Variants in PPP1R9A observed in about 807,000 individuals in gnomAD.
PPP1R9A encodes protein phosphatase 1 regulatory subunit 9A.
A neutral mutation model predicts 141.9 loss-of-function variants in PPP1R9A; 59 were observed. That is an observed-to-expected ratio of 0.42 (90% CI 0.34 to 0.52). The LOEUF (loss-of-function observed/expected upper bound fraction) is 0.52, where lower values mean the gene tolerates loss of function less well. Ranked by LOEUF, PPP1R9A falls within the 20% of genes least tolerant of loss-of-function variation. The pLI is 0.10. For missense variants in PPP1R9A, 1,444 were observed against 1,611.9 expected, an observed-to-expected ratio of 0.90 and a Z score of 1.78; for synonymous variants, 500 against 569.7, an observed-to-expected ratio of 0.88 and a Z score of 1.74.
intron 2 of PPP1R9A, among the ~76,000 whole-genome samples, chr7:95,005,366 T>TA (rs1201350987): frequency 4.6e-5 from 7 of 152,190 alleles, no homozygotes; most frequent in Admixed American, 2.6e-4. Flanking sequence ...AATAACAGTT[T>TA]AAAAAAACTA....
intron 8 of PPP1R9A, among the ~76,000 whole-genome samples, chr7:95,247,074 C>A (rs1232593256): frequency 6.6e-6 from 1 of 152,156 alleles, no homozygotes; most frequent in Non-Finnish European, 1.5e-5. Flanking sequence ...TGGAATAAAT[C>A]TTCACACGTC....
chr7:94,960,761 T>G (rs866733407), intron 2 of PPP1R9A, among the ~76,000 whole-genome samples: 1 of 151,640 alleles, frequency 6.6e-6, no homozygotes, highest in Admixed American at 6.6e-5. Flanking sequence ...ATGTGTTTAT[T>G]TTTTTTAAAT....
intron 2 of PPP1R9A, among the ~76,000 whole-genome samples, chr7:95,027,893 C>T (rs1807113051): frequency 6.6e-6 from 1 of 152,126 alleles, no homozygotes; most frequent in African/African-American, 2.4e-5. Context: ...TCAGCCAAAA[C>T]CTCTTTATGC....
chr7:95,115,856 G>T (rs1353485125), intron 3 of PPP1R9A, among the ~76,000 whole-genome samples: 10 of 150,550 alleles, frequency 6.6e-5, no homozygotes, highest in Non-Finnish European at 1.3e-4. Flanking sequence ...GGTGGAGGTT[G>T]CAGTGAGCCG....
intron 9 of PPP1R9A, among the ~76,000 whole-genome samples, chr7:95,248,866 T>A (rs1798498290): frequency 6.6e-6 from 1 of 152,180 alleles, no homozygotes; most frequent in Admixed American, 6.5e-5. Context: ...TTTGCAAATG[T>A]GTTTAGTTAA....
chr7:94,963,825 A>G (rs1270908207), intron 2 of PPP1R9A, among the ~76,000 whole-genome samples: 1 of 152,142 alleles, frequency 6.6e-6, no homozygotes, highest in Non-Finnish European at 1.5e-5. Flanking sequence ...GAAAAACCAC[A>G]ATAAGTGATG....
chr7:95,075,651 C>T (rs112829359), intron 2 of PPP1R9A, among the ~76,000 whole-genome samples: 2,754 of 151,996 alleles, frequency 0.018, 87 homozygotes, highest in African/African-American at 0.063. Flanking sequence ...CTGGCTAACA[C>T]GGTGAAACCC....
intron 3 of PPP1R9A, among the ~76,000 whole-genome samples, chr7:95,118,582 G>A (rs567388793): frequency 3.4e-4 from 52 of 152,170 alleles, no homozygotes; most frequent in Non-Finnish European, 5.9e-4. Flanking sequence ...GTAGAATAAA[G>A]ATATAAGATT....
chr7:95,091,531 A>G lies in PPP1R9A; in HGVS notation c.1396-19728A>G, dbSNP rs141757303. Among the ~76,000 whole-genome samples the G allele has an allele frequency of 2.8e-4, 43 of 151,328 alleles. 1 individual carries two copies. The East Asian group carries it at 8.4e-3, about 29-fold the overall frequency. Reference sequence around the variant, plus strand: ...GCTAATTTTTGTATTTTTAGTAGAGATGGGGTTTTGCTATGTTGGCTAGGC... The same window carrying G: ...GCTAATTTTTGTATTTTTAGTAGAGGTGGGGTTTTGCTATGTTGGCTAGGC... On this transcript the variant is annotated intron_variant, in intron 2 of 19. Transcript: ENST00000433360.
At position 94,910,037 on chromosome 7, in the gene PPP1R9A, A is replaced by T; in HGVS notation, c.-77A>T. The T allele has an allele frequency of 7.8e-7, 1 of 1,278,186 alleles. No individual in the cohort carries two copies. The highest frequency in any genetic ancestry group is 1.1e-6 in the Non-Finnish European group (1 of 915,992). The allele number at this position is 1,278,186 out of a possible 1,614,324, so 79.2% of individuals were successfully genotyped here. A position where few individuals can be genotyped will look rare whatever the true frequency, so the allele number is the denominator to read the frequency against. On this transcript the variant is annotated 5_prime_UTR_variant, in exon 2 of 20. Coordinates refer to ENST00000433360, the MANE Select transcript of PPP1R9A (RefSeq NM_001166160.2). The surrounding 1 kb of genome is among the most constrained non-coding windows in gnomAD (Gnocchi z 4.5). Reference sequence around the variant, plus strand: ...TTTTCTTGACCCAATACTGGTGATTAGAGAAGAGAGGTATCTTGGTTTTTG... The same window carrying T: ...TTTTCTTGACCCAATACTGGTGATTTGAGAAGAGAGGTATCTTGGTTTTTG...
chr7:94,935,509 A>G (rs1794674444), intron 2 of PPP1R9A, among the ~76,000 whole-genome samples: 1 of 152,178 alleles, frequency 6.6e-6, no homozygotes, highest in Admixed American at 6.5e-5. Flanking sequence ...ACATTGTTAC[A>G]TTTTTTAAAA....
At chr7:95,048,838 C>T (rs1810399828) in intron 2 of PPP1R9A, among the ~76,000 whole-genome samples, 1 of 152,052 alleles carries the variant, frequency 6.6e-6, no homozygotes, top group Non-Finnish European at 1.5e-5. Context: ...AGCCACCATG[C>T]CCGGCCCTAT....
At chr7:95,108,661 A>G (rs1820007324) in intron 2 of PPP1R9A, among the ~76,000 whole-genome samples, 1 of 151,986 alleles carries the variant, frequency 6.6e-6, no homozygotes, top group Non-Finnish European at 1.5e-5. Context: ...TCCAATATGC[A>G]GTCTTACTGT....
chr7:95,288,952 A>G (rs1483029835), intron 19 of PPP1R9A, among the ~76,000 whole-genome samples: 1 of 152,110 alleles, frequency 6.6e-6, no homozygotes, highest in Non-Finnish European at 1.5e-5. Flanking sequence ...GACCCACTCC[A>G]TTGCTTCCAC....
intron 2 of PPP1R9A, among the ~76,000 whole-genome samples, chr7:95,105,434 T>G (rs1324230288): frequency 6.6e-6 from 1 of 152,240 alleles, no homozygotes; most frequent in Non-Finnish European, 1.5e-5. Flanking sequence ...TGAGGTCTTG[T>G]TTTGTTTCCT....
intron 5 of PPP1R9A, among the ~76,000 whole-genome samples, chr7:95,181,287 CAT>C (rs900058669): frequency 9.8e-5 from 13 of 132,160 alleles, no homozygotes; most frequent in African/African-American, 1.4e-4. Context: ...TATATTCCAT[CAT>C]ATATATAGAA....
rs1269911205 is a variant in PPP1R9A, at chr7:95,295,464, T to A, written c.*5161T>A. ...GTATGCAGCTAAAAATTGCACTGTGTGTTCTTGTGAATTTGCTCACAATTC... is the reference window on the plus strand; with the variant it reads ...GTATGCAGCTAAAAATTGCACTGTGAGTTCTTGTGAATTTGCTCACAATTC... On this transcript the variant is annotated 3_prime_UTR_variant, in exon 20 of 20. Transcript: ENST00000433360. 1 of 152,456 alleles carries A rather than the reference T, an allele frequency of 6.6e-6. No individual in the cohort carries two copies. The allele number at this position is 152,456 out of a possible 1,614,324, so 9.4% of individuals were successfully genotyped here.
chr7:95,142,275 G>A (rs1451962106), intron 4 of PPP1R9A, among the ~76,000 whole-genome samples: 1 of 152,002 alleles, frequency 6.6e-6, no homozygotes, highest in Non-Finnish European at 1.5e-5. Flanking sequence ...TACATAATAT[G>A]TAAACATTTT....
chr7:94,911,371 G>C lies in PPP1R9A; in HGVS notation c.1258G>C (p.Glu420Gln), dbSNP rs1791433686. Residue 420 changes from glutamate (E) to glutamine (Q), a missense_variant, in exon 2 of 20, where the codon GAG becomes CAG. Transcript: ENST00000433360. ...TTCAGACTGGGGAGAGACAGGCACT[G>C]AGCAGGATGAGGAGGAAGATAGTGA... Reference protein sequence around the residue: ...YNSDWGETGTEQDEEEDSDEN... With the variant: ...YNSDWGETGTQQDEEEDSDEN... 6.2e-7 allele frequency: 1 copy of C among 1,614,110 alleles called. No homozygotes were observed. The highest frequency in any genetic ancestry group is 8.5e-7 in the Non-Finnish European group (1 of 1,179,998).
Sources: gnomAD v4.1 joint callset for allele counts (sites outside exome capture counted in the v4.1 genomes callset) on GRCh38, gnomAD v4.1.1 for gene constraint, Gnocchi (gnomAD v3.1) non-coding constraint, MANE v1.5 for transcripts, NCBI Gene and HGNC (gene_info 2026-07-23, HGNC 2026-07-21) for gene names.